The following ADGRB3 variants were observed in gnomAD, a reference collection of about 807,000 sequenced individuals.
ADGRB3 encodes the protein brain-specific angiogenesis inhibitor 3.
Under a neutral mutation model 193.4 loss-of-function variants are expected in ADGRB3, and 37 were observed. The ratio of observed to expected loss-of-function variants is 0.19; its 90% CI spans 0.15 to 0.25. ADGRB3 has a LOEUF of 0.25. Among genes scored for constraint, ADGRB3 ranks in the 10% least tolerant of loss-of-function variants. The pLI is 1.00. For missense variants in ADGRB3, 1,637 were observed against 1,852.9 expected, an observed-to-expected ratio of 0.88 and a Z score of 2.14; for synonymous variants, 690 against 644.2, an observed-to-expected ratio of 1.07 and a Z score of -1.08.
intron 20 of ADGRB3, among the ~76,000 whole-genome samples, chr6:69,243,862 G>T (rs926593375): frequency 6.6e-6 from 1 of 151,902 alleles, no homozygotes; most frequent in African/African-American, 2.4e-5. Flanking sequence ...CACATATATA[G>T]TATCATACTG....
At position 69,217,285 on chromosome 6, in the gene ADGRB3, C is replaced by G. The variant is rs568449785; in HGVS notation, c.2481-16005C>G. 7.9e-5 allele frequency among the ~76,000 whole-genome samples: 12 copies of G among 152,144 alleles called. No individual in the cohort carries two copies. The South Asian group carries it at 2.3e-3, about 29-fold the overall frequency. Reference sequence around the variant, plus strand: ...AGTAGTCACCAAGAAGCAGAGAGTTCTTATCAGTACTTGTACTGAAGGAAA... The same window carrying G: ...AGTAGTCACCAAGAAGCAGAGAGTTGTTATCAGTACTTGTACTGAAGGAAA... On this transcript the variant is annotated intron_variant, in intron 17 of 31. Coordinates refer to ENST00000370598, the MANE Select transcript of ADGRB3 (RefSeq NM_001704.3).
intron 3 of ADGRB3, among the ~76,000 whole-genome samples, chr6:68,644,556 C>A (rs1184433035): frequency 2.0e-5 from 3 of 152,092 alleles, no homozygotes; most frequent in Non-Finnish European, 4.4e-5. Flanking sequence ...CATAAGCTGT[C>A]TTTCCAAGAA....
At position 68,974,265 on chromosome 6, in the gene ADGRB3, T is replaced by G. The variant is rs551383476; in HGVS notation, c.1526-498T>G. ...ACACAGTAAGCAGTTCAAAAAGAAA[T>G]TACAATTCTGTAAATACTTTGTAGA... is the stretch of plus-strand genomic sequence containing the variant. On this transcript the variant is annotated intron_variant, in intron 8 of 31. Coordinates refer to ENST00000370598, the MANE Select transcript of ADGRB3 (RefSeq NM_001704.3). Among the ~76,000 whole-genome samples the G allele has an allele frequency of 5.4e-4, 82 of 152,272 alleles. 1 individual carries two copies. The highest frequency in any genetic ancestry group is 1.9e-3 in the African/African-American group (80 of 41,562).
chr6:68,647,142 C>T (rs1163907065), intron 3 of ADGRB3, among the ~76,000 whole-genome samples: 1 of 152,108 alleles, frequency 6.6e-6, no homozygotes. Context: ...ATACATTAAG[C>T]ATGGATTTCT....
intron 17 of ADGRB3, among the ~76,000 whole-genome samples, chr6:69,115,856 A>G (rs927826465): frequency 6.6e-6 from 1 of 152,226 alleles, no homozygotes; most frequent in Admixed American, 6.5e-5. Flanking sequence ...AAAATAAAAT[A>G]AAAAAGAAAA....
intron 3 of ADGRB3, among the ~76,000 whole-genome samples, chr6:68,683,766 G>C (rs770763446): frequency 3.3e-5 from 5 of 152,106 alleles, no homozygotes; most frequent in Non-Finnish European, 7.4e-5. Flanking sequence ...ATAAATACCT[G>C]CTAATAGTTT....
intron 3 of ADGRB3, among the ~76,000 whole-genome samples, chr6:68,737,957 G>A (rs1411666952): frequency 6.6e-6 from 1 of 152,142 alleles, no homozygotes; most frequent in Non-Finnish European, 1.5e-5. Context: ...TATAATCACA[G>A]TTGGTGAAGT....
At chr6:69,352,529 T>A (rs1769247557) in intron 26 of ADGRB3, among the ~76,000 whole-genome samples, 1 of 152,234 alleles carries the variant, frequency 6.6e-6, no homozygotes, top group Non-Finnish European at 1.5e-5. Context: ...ACACTGAGTC[T>A]ATCCCCATTC....
At chr6:68,806,389 G>T (rs1361383282) in intron 3 of ADGRB3, among the ~76,000 whole-genome samples, 2 of 151,840 alleles carry the variant, frequency 1.3e-5, no homozygotes, top group Non-Finnish European at 2.9e-5. Context: ...CTTTTTAATG[G>T]TTATATAATG....
At chr6:68,826,075 A>G (rs574555223) in intron 3 of ADGRB3, among the ~76,000 whole-genome samples, 63 of 152,030 alleles carry the variant, frequency 4.1e-4, no homozygotes, top group African/African-American at 1.4e-3. Context: ...TTGAATACTG[A>G]CTAGGTGTCA....
chr6:69,373,977 G>T (rs1769760413), intron 30 of ADGRB3, among the ~76,000 whole-genome samples: 1 of 152,034 alleles, frequency 6.6e-6, no homozygotes, highest in Non-Finnish European at 1.5e-5. Context: ...ACTGGTAGCA[G>T]ATTCCTTAAG....
At chr6:68,866,493 C>T (rs1228137401) in intron 3 of ADGRB3, among the ~76,000 whole-genome samples, 2 of 152,220 alleles carry the variant, frequency 1.3e-5, no homozygotes, top group Middle Eastern at 3.4e-3. Flanking sequence ...TGGATTAATA[C>T]AGAAAAGTGG....
chr6:69,029,976 G>GCACACACA (rs10653397), intron 13 of ADGRB3, among the ~76,000 whole-genome samples: 8,675 of 145,178 alleles, frequency 0.06, 681 homozygotes, highest in African/African-American at 0.18. Context: ...TATATAGAAT[G>GCACACACA]CACACACACA....
chr6:69,108,398 TTTTC>T (rs1246327360), intron 17 of ADGRB3, among the ~76,000 whole-genome samples: 1 of 144,776 alleles, frequency 6.9e-6, no homozygotes, highest in African/African-American at 2.5e-5. Context: ...TTTTTTTTTT[TTTTC>T]CAAATCTCAT....
chr6:69,165,134 C>G (rs142603076), intron 17 of ADGRB3, among the ~76,000 whole-genome samples: 1 of 152,136 alleles, frequency 6.6e-6, no homozygotes, highest in East Asian at 1.9e-4. Flanking sequence ...AAATCCTTAA[C>G]ATCATCCTCA....
At chr6:69,073,607 G>A (rs2150311755) in intron 16 of ADGRB3, among the ~76,000 whole-genome samples, 1 of 152,260 alleles carries the variant, frequency 6.6e-6, no homozygotes, top group South Asian at 2.1e-4. Context: ...GAAGGGGCCA[G>A]GCTCCTCCCC....
intron 20 of ADGRB3, among the ~76,000 whole-genome samples, chr6:69,316,177 A>G (rs1363451619): frequency 3.3e-5 from 5 of 151,380 alleles, no homozygotes. Context: ...TAAAGTAAAT[A>G]TAGTATTATG....
intron 3 of ADGRB3, among the ~76,000 whole-genome samples, chr6:68,730,550 G>A (rs1765754091): frequency 6.6e-6 from 1 of 151,602 alleles, no homozygotes; most frequent in Admixed American, 6.6e-5. Flanking sequence ...AAATTCATAT[G>A]CAATTGACTC....
intron 3 of ADGRB3, among the ~76,000 whole-genome samples, chr6:68,787,066 C>A (rs938651453): frequency 6.6e-6 from 1 of 152,048 alleles, no homozygotes; most frequent in Non-Finnish European, 1.5e-5. Flanking sequence ...GAGATGATGG[C>A]GTTTTCTAGA....
Sources: gnomAD v4.1 joint callset for allele counts (sites outside exome capture counted in the v4.1 genomes callset) on GRCh38, gnomAD v4.1.1 for gene constraint, MANE v1.5 for transcripts, NCBI Gene and HGNC (gene_info 2026-07-23, HGNC 2026-07-21) for gene names.